XRCC5: variants seen among roughly 807,000 people sequenced by gnomAD.
XRCC5 encodes the protein DNA repair protein Ku80.
In XRCC5, 12 loss-of-function variants were observed where a neutral mutation model predicts 95.7. The ratio of observed to expected loss-of-function variants is 0.13; its 90% CI spans 0.08 to 0.20. The LOEUF (loss-of-function observed/expected upper bound fraction) is 0.20. Among genes scored for constraint, XRCC5 ranks in the 10% least tolerant of loss-of-function variants. The pLI is 1.00. For missense variants in XRCC5, 595 were observed against 873.9 expected (o/e 0.68, Z 4.02); for synonymous variants, 281 against 290.3 (o/e 0.97, Z 0.33).
chr2:216,149,775 A>G (rs147135983), intron 14 of XRCC5, among the ~76,000 whole-genome samples: 35 of 152,210 alleles, frequency 2.3e-4, no homozygotes, highest in Admixed American at 1.3e-4. Context: ...GATCCCTGCT[A>G]TGATCACACC....
chr2:216,132,130 A>G lies in XRCC5; in HGVS notation c.1051-195A>G, dbSNP rs55839740. The stretch of plus-strand genomic sequence containing the variant: ...GTTCACTGTTGTGTTTACAGTGCTC[A>G]GATAATCTTGAACGCATGCTGGGTG... On this transcript the variant is annotated intron_variant, in intron 9 of 20. Coordinates refer to ENST00000392132, the MANE Select transcript of XRCC5 (RefSeq NM_021141.4). Among the ~76,000 whole-genome samples, 48 of 152,360 alleles carry G rather than the reference A, an allele frequency of 3.2e-4. No homozygotes were observed. In the East Asian group the frequency reaches 6.9e-3, roughly 22 times the overall value.
Position 216,151,802 on chromosome 2 carries a change from A to G in XRCC5, c.1670+3526A>G, listed in dbSNP as rs540170520. Among the ~76,000 whole-genome samples the G allele has an allele frequency of 8.5e-5, 13 of 152,292 alleles. 1 individual carries two copies. Among genetic ancestry groups the G allele is most frequent in the Admixed American group, 6.5e-4 (10 of 15,302 alleles). Reference sequence around the variant, plus strand: ...GTAGTGACAATGACAGTAGAGGCCAATAGGTGGTGTATTAGCATCACTCAT... The same window carrying G: ...GTAGTGACAATGACAGTAGAGGCCAGTAGGTGGTGTATTAGCATCACTCAT... On this transcript the variant is annotated intron_variant, in intron 14 of 20. Coordinates refer to ENST00000392132, the MANE Select transcript of XRCC5 (RefSeq NM_021141.4).
At chr2:216,184,722 C>CGAT (rs1410476357) in intron 16 of XRCC5, among the ~76,000 whole-genome samples, 13 of 152,236 alleles carry the variant, frequency 8.5e-5, no homozygotes, top group Non-Finnish European at 1.5e-4. Context: ...CTCAGGTGAT[C>CGAT]CGCCCGTCTC....
intron 15 of XRCC5, among the ~76,000 whole-genome samples, chr2:216,161,474 G>T (rs1029271278): frequency 2.0e-5 from 3 of 152,146 alleles, no homozygotes; most frequent in Non-Finnish European, 2.9e-5. Context: ...TTCAACCTGG[G>T]TATGCTTTGT....
At chr2:216,135,944 G>A (rs1697067492) in intron 10 of XRCC5, among the ~76,000 whole-genome samples, 1 of 152,128 alleles carries the variant, frequency 6.6e-6, no homozygotes, top group Non-Finnish European at 1.5e-5. Context: ...TTAGGTTTTA[G>A]TCTTGTCGTG....
chr2:216,177,563 CTGGAAAAAT>C (rs769080889), intron 16 of XRCC5, among the ~76,000 whole-genome samples: 2 of 152,110 alleles, frequency 1.3e-5, no homozygotes, highest in Non-Finnish European at 2.9e-5. Flanking sequence ...TTACTCAGTA[CTGGAAAAAT>C]TGTGTAGATT....
intron 9 of XRCC5, among the ~76,000 whole-genome samples, chr2:216,131,507 T>G (rs933946803): frequency 2.0e-5 from 3 of 152,218 alleles, no homozygotes; most frequent in African/African-American, 7.2e-5. Context: ...ATACTCATTT[T>G]CTAATCTGGT....
chr2:216,166,718 T>G (rs1314425871), intron 16 of XRCC5, among the ~76,000 whole-genome samples: 1 of 152,140 alleles, frequency 6.6e-6, no homozygotes, highest in Non-Finnish European at 1.5e-5. Flanking sequence ...TAATAAAATG[T>G]CAAAAGATAG....
Position 216,197,478 on chromosome 2 carries a change from C to G in XRCC5, c.2109+2492C>G, listed in dbSNP as rs577656236. On this transcript the variant is annotated intron_variant, in intron 19 of 20. Coordinates refer to ENST00000392132, the MANE Select transcript of XRCC5 (RefSeq NM_021141.4). ...AAAAAAAAAAAAAAAAGACAACTCT[C>G]AAAACTTCACCATCTTTGAATAGAG... 3.1e-4 allele frequency among the ~76,000 whole-genome samples: 46 copies of G among 148,048 alleles called. No homozygotes were observed. The South Asian group carries it at 9.6e-3, about 31-fold the overall frequency.
chr2:216,129,180 A>G (rs1432614924), intron 8 of XRCC5, among the ~76,000 whole-genome samples: 4 of 152,228 alleles, frequency 2.6e-5, no homozygotes, highest in Non-Finnish European at 5.9e-5. Context: ...CAAGGAAGGC[A>G]TCCCTGGTTA....
intron 14 of XRCC5, among the ~76,000 whole-genome samples, chr2:216,159,492 G>A (rs1240756334): frequency 1.3e-5 from 2 of 152,232 alleles, no homozygotes; most frequent in South Asian, 2.1e-4. Flanking sequence ...AGTTTTCGGG[G>A]AAGTTTTTTT....
intron 1 of XRCC5, among the ~76,000 whole-genome samples, chr2:216,110,073 C>T (rs1253099243): frequency 2.0e-5 from 3 of 152,152 alleles, no homozygotes; most frequent in African/African-American, 4.8e-5. Context: ...TATTTATCCC[C>T]ATTTTGCAAG....
At chr2:216,203,380 C>T (rs1391003415) in intron 19 of XRCC5, among the ~76,000 whole-genome samples, 4 of 152,286 alleles carry the variant, frequency 2.6e-5, no homozygotes, top group East Asian at 1.9e-4. Flanking sequence ...ATCACCTTCT[C>T]GTGTTAGGAT....
intron 6 of XRCC5, among the ~76,000 whole-genome samples, chr2:216,123,057 C>T (rs2106004564): frequency 6.6e-6 from 1 of 152,250 alleles, no homozygotes; most frequent in African/African-American, 2.4e-5. Flanking sequence ...GAGTACTTTA[C>T]ATAGCAGTAT....
chr2:216,110,844 A>G (rs1696577210), intron 1 of XRCC5, among the ~76,000 whole-genome samples: 4 of 151,162 alleles, frequency 2.6e-5, no homozygotes, highest in Admixed American at 6.6e-5. Flanking sequence ...TGAAACTGGG[A>G]TGTGCATTTT....
At chr2:216,193,933 G>A (rs929949068) in intron 18 of XRCC5, among the ~76,000 whole-genome samples, 1 of 152,176 alleles carries the variant, frequency 6.6e-6, no homozygotes, top group Non-Finnish European at 1.5e-5. Flanking sequence ...TGCTCTTACT[G>A]AGCTAAAATT....
At chr2:216,123,133 C>T (rs755548546) in intron 6 of XRCC5, among the ~76,000 whole-genome samples, 26 of 152,156 alleles carry the variant, frequency 1.7e-4, no homozygotes, top group Non-Finnish European at 3.5e-4. Context: ...TCCAGCTTAT[C>T]AGTCTGTACA....
At chr2:216,109,969 A>G (rs1415554878) in intron 1 of XRCC5, among the ~76,000 whole-genome samples, 1 of 152,252 alleles carries the variant, frequency 6.6e-6, no homozygotes, top group Non-Finnish European at 1.5e-5. Context: ...ATAACGTAGT[A>G]TCCCGCATTT....
At chr2:216,181,446 A>T (rs1689384554) in intron 16 of XRCC5, among the ~76,000 whole-genome samples, 1 of 152,158 alleles carries the variant, frequency 6.6e-6, no homozygotes, top group Non-Finnish European at 1.5e-5. Context: ...ACCCATTCTT[A>T]TACAGATTCC....
Sources: gnomAD v4.1 joint callset for allele counts (sites outside exome capture counted in the v4.1 genomes callset) on GRCh38, gnomAD v4.1.1 for gene constraint, MANE v1.5 for transcripts, NCBI Gene and HGNC (gene_info 2026-07-23, HGNC 2026-07-21) for gene names.